CALN1: variants seen among roughly 807,000 people sequenced by gnomAD.
The protein encoded by CALN1 is calneuron 1.
A neutral mutation model predicts 30.6 loss-of-function variants in CALN1; 17 were observed. The ratio of observed to expected loss-of-function variants is 0.56; its 90% CI spans 0.38 to 0.83. The LOEUF is 0.83. Among genes scored for constraint, CALN1 ranks in the 40% least tolerant of loss-of-function variants. CALN1 has a pLI of 0.00. For missense variants in CALN1, 291 were observed against 354.9 expected (o/e 0.82, Z 1.45); for synonymous variants, 156 against 131.4 (o/e 1.19, Z -1.28).
chr7:72,065,118 T>C (rs1000992878), intron 4 of CALN1, among the ~76,000 whole-genome samples: 1 of 148,006 alleles, frequency 6.8e-6, no homozygotes, highest in Non-Finnish European at 1.5e-5. Context: ...TTTATGTTAA[T>C]ATATGTAAAA....
chr7:72,177,313 A>G (rs951486246), intron 3 of CALN1, among the ~76,000 whole-genome samples: 15 of 152,194 alleles, frequency 9.9e-5, no homozygotes, highest in African/African-American at 3.6e-4. Context: ...GAAGGTAAAC[A>G]GAAATAAGAC....
At chr7:72,411,774 C>T (rs937746483) in intron 1 of CALN1, among the ~76,000 whole-genome samples, 2 of 151,858 alleles carry the variant, frequency 1.3e-5, no homozygotes, top group Non-Finnish European at 2.9e-5. Flanking sequence ...AATGTAATTG[C>T]TAAGGAATAA....
At chr7:72,118,617 A>G (rs1222823125) in intron 3 of CALN1, among the ~76,000 whole-genome samples, 1 of 152,172 alleles carries the variant, frequency 6.6e-6, no homozygotes, top group African/African-American at 2.4e-5. Flanking sequence ...GAACAGAAAC[A>G]AACAAAGAAA....
intron 4 of CALN1, among the ~76,000 whole-genome samples, chr7:72,082,806 G>C (rs1805235021): frequency 6.6e-6 from 1 of 152,236 alleles, no homozygotes; most frequent in South Asian, 2.1e-4. Flanking sequence ...GTGCCTGGCA[G>C]GAGGGTTCTG....
At chr7:72,340,682 T>C (rs985682519) in intron 2 of CALN1, among the ~76,000 whole-genome samples, 1 of 152,132 alleles carries the variant, frequency 6.6e-6, no homozygotes, top group Non-Finnish European at 1.5e-5. Context: ...GAGATGCGCA[T>C]AGAAGGTGAT....
chr7:72,415,728 T>C (rs1239241966), upstream of CALN1, among the ~76,000 whole-genome samples: 1 of 152,140 alleles, frequency 6.6e-6, no homozygotes. Context: ...GCTGGAAGCC[T>C]GAGCGGTGAC....
At chr7:72,500,332 G>A in the CALN1 span, among the ~76,000 whole-genome samples, 2 of 124,678 alleles carry the variant, frequency 1.6e-5, no homozygotes, top group African/African-American at 6.2e-5. Context: ...CCAGGCTGGA[G>A]TGCAGTGTCG....
intron 2 of CALN1, among the ~76,000 whole-genome samples, chr7:72,354,857 A>C (rs1399820700): frequency 6.6e-6 from 1 of 151,820 alleles, no homozygotes; most frequent in Non-Finnish European, 1.5e-5. Flanking sequence ...ACCCAGGAGA[A>C]AATTTTTGAG....
At chr7:72,203,975 CTCTCTTTTTTTTTTT>C (rs1251863499) in intron 3 of CALN1, among the ~76,000 whole-genome samples, 8 of 101,582 alleles carry the variant, frequency 7.9e-5, no homozygotes, top group Admixed American at 3.3e-4. Flanking sequence ...TAAGAGGCCT[CTCTCTTTTTTTTTTT>C]TTTTTTTTTT....
intron 2 of CALN1, among the ~76,000 whole-genome samples, chr7:72,319,970 A>G (rs1441770047): frequency 2.0e-5 from 3 of 152,178 alleles, no homozygotes. Context: ...CTTGGCCAAC[A>G]TGGTGAAACC....
At chr7:72,501,563 A>AG in the CALN1 span, among the ~76,000 whole-genome samples, 4 of 123,764 alleles carry the variant, frequency 3.2e-5, no homozygotes, top group East Asian at 6.5e-4. Flanking sequence ...GAGGGAGGGA[A>AG]GAGAAGAAAG....
At chr7:72,333,297 A>AG (rs1234545047) in intron 2 of CALN1, among the ~76,000 whole-genome samples, 1 of 152,218 alleles carries the variant, frequency 6.6e-6, no homozygotes, top group East Asian at 1.9e-4. Context: ...TTTTGATGAC[A>AG]GGCACTGTGT....
chr7:71,946,372 T>C (rs1336292280), intron 5 of CALN1, among the ~76,000 whole-genome samples: 2 of 149,450 alleles, frequency 1.3e-5, no homozygotes, highest in Middle Eastern at 3.2e-3. Flanking sequence ...TCTTTCTTTT[T>C]TTTTTTTTTT....
chr7:71,983,358 G>A (rs956330201), intron 5 of CALN1, among the ~76,000 whole-genome samples: 3 of 152,052 alleles, frequency 2.0e-5, no homozygotes, highest in African/African-American at 4.8e-5. Context: ...TACTCAACAG[G>A]TAAAGAATGC....
chr7:72,112,766 T>C (rs1268713617), intron 3 of CALN1, among the ~76,000 whole-genome samples: 1 of 152,202 alleles, frequency 6.6e-6, no homozygotes, highest in Non-Finnish European at 1.5e-5. Context: ...AAAGAAACTT[T>C]CCAGGCTGCA....
intron 3 of CALN1, among the ~76,000 whole-genome samples, chr7:72,107,081 T>A (rs1446633882): frequency 6.6e-6 from 1 of 152,066 alleles, no homozygotes; most frequent in Admixed American, 6.5e-5. Flanking sequence ...GACCTGAGCA[T>A]CCTCCAACTC....
chr7:72,118,292 C>G (rs1808137346), intron 3 of CALN1, among the ~76,000 whole-genome samples: 1 of 152,128 alleles, frequency 6.6e-6, no homozygotes, highest in Non-Finnish European at 1.5e-5. Context: ...CTTTCATGGT[C>G]AAAATCACAT....
At chr7:72,207,154 T>C (rs1791946610) in intron 3 of CALN1, among the ~76,000 whole-genome samples, 1 of 152,190 alleles carries the variant, frequency 6.6e-6, no homozygotes, top group African/African-American at 2.4e-5. Context: ...CAAGGGCTCA[T>C]TTGAGCTGGT....
intron 2 of CALN1, among the ~76,000 whole-genome samples, chr7:72,338,525 G>GTGTGTGTGTGTGTCTGTGTGTCTGTC: frequency 8.2e-6 from 1 of 122,378 alleles, no homozygotes; most frequent in South Asian, 2.7e-4. Flanking sequence ...GTGTGTGTGT[G>GTGTGTGTGTGTGTCTGTGTGTCTGTC]TGTCTCACCT....
Sources: allele counts gnomAD v4.1 joint callset (sites outside exome capture counted in the v4.1 genomes callset), GRCh38; gene constraint gnomAD v4.1.1; transcripts MANE v1.5; gene names NCBI Gene and HGNC (gene_info 2026-07-23, HGNC 2026-07-21).